The following KIRREL3 variants were observed in gnomAD, a reference collection of about 807,000 sequenced individuals.
KIRREL3 encodes the protein kirre like nephrin family adhesion molecule 3.
A neutral mutation model predicts 89.7 loss-of-function variants in KIRREL3; 36 were observed. The ratio of observed to expected loss-of-function variants is 0.40; its 90% CI spans 0.31 to 0.53. KIRREL3 has a LOEUF of 0.53. Among genes scored for constraint, KIRREL3 ranks in the 20% least tolerant of loss-of-function variants. The pLI is 0.49. For missense variants in KIRREL3, 864 were observed against 1,056.6 expected, an observed-to-expected ratio of 0.82 and a Z score of 2.53; for synonymous variants, 445 against 441.4, an observed-to-expected ratio of 1.01 and a Z score of -0.10.
In KIRREL3 at chr11:126,796,641, GC is replaced by G. The variant is rs1332284306; in HGVS notation, c.55+203813del. ...TATGTTAAGCATTGCCCCCAACCCT[GC>G]TTTTTATTTATTTTTATTCTTTTAT... On this transcript the variant is annotated intron_variant, in intron 1 of 16. Coordinates refer to ENST00000525144, the MANE Select transcript of KIRREL3 (RefSeq NM_032531.4). The surrounding 1 kb of genome is among the most constrained non-coding windows in gnomAD (Gnocchi z 5.1). Among the ~76,000 whole-genome samples, 1 of 152,006 alleles carries G rather than the reference GC, an allele frequency of 6.6e-6. No individual in the cohort carries two copies.
Position 126,593,868 on chromosome 11 carries a change from C to T in KIRREL3, c.56-30956G>A, listed in dbSNP as rs12276781. On this transcript the variant is annotated intron_variant, in intron 1 of 16. Transcript: ENST00000525144. ...AGCTGCTCAGGTTAGCCCATTGCAC[C>T]GTTGCCATCACTGCGAGACTCAGGG... Among the ~76,000 whole-genome samples the T allele has an allele frequency of 2.0e-5, 3 of 152,222 alleles. No homozygotes were observed. The South Asian group carries it at 6.2e-4, about 32-fold the overall frequency.
chr11:126,620,115 G>A lies in KIRREL3; in HGVS notation c.56-57203C>T, dbSNP rs1297742212. On this transcript the variant is annotated intron_variant, in intron 1 of 16. Coordinates refer to ENST00000525144, the MANE Select transcript of KIRREL3 (RefSeq NM_032531.4). The surrounding 1 kb of genome is among the most constrained non-coding windows in gnomAD (Gnocchi z 4.8). ...CTGTTTGCCCACACAGTGGGCAATC[G>A]AATCTGGTGGTCTTATAACACTTGA... 6.6e-6 allele frequency among the ~76,000 whole-genome samples: 1 copy of A among 152,148 alleles called. No homozygotes were observed. The highest frequency in any genetic ancestry group is 1.5e-5 in the Non-Finnish European group (1 of 68,022).
rs76705968 is a variant in KIRREL3, at chr11:126,763,142, T to C, written c.56-200230A>G. 7.9e-5 allele frequency among the ~76,000 whole-genome samples: 12 copies of C among 152,236 alleles called. 1 individual carries two copies. In the East Asian group the frequency reaches 2.3e-3, roughly 29 times the overall value. On this transcript the variant is annotated intron_variant, in intron 1 of 16. Coordinates refer to ENST00000525144, the MANE Select transcript of KIRREL3 (RefSeq NM_032531.4). The surrounding 1 kb of genome is among the most constrained non-coding windows in gnomAD (Gnocchi z 4.7). ...TTGAGAGAAGAGTGCAGGACTGGGT[T>C]TGAGAGCAGATTCTGGCTCTGTTGT...
In KIRREL3 at chr11:126,908,542, T is replaced by A. The variant is rs1307564518; in HGVS notation, c.55+91913A>T. ...AATTGTAATTATTATATAAAATACCTAGAACAGGGCAGGGCATAGGGTAAA... is the reference window on the plus strand; with the variant it reads ...AATTGTAATTATTATATAAAATACCAAGAACAGGGCAGGGCATAGGGTAAA... On this transcript the variant is annotated intron_variant, in intron 1 of 16. Transcript: ENST00000525144. This position sits in a 1 kb window ranked among gnomAD's most constrained non-coding sequence, Gnocchi z 4.2. Among the ~76,000 whole-genome samples the A allele has an allele frequency of 6.6e-6, 1 of 152,176 alleles. No individual in the cohort carries two copies. The highest frequency in any genetic ancestry group is 2.4e-5 in the African/African-American group (1 of 41,440).
In KIRREL3 at chr11:126,970,619, G is replaced by A. The variant is rs1949404671; in HGVS notation, c.55+29836C>T. Among the ~76,000 whole-genome samples, 2 of 152,220 alleles carry A rather than the reference G, an allele frequency of 1.3e-5. No individual in the cohort carries two copies. The highest frequency in any genetic ancestry group is 4.2e-4 in the South Asian group (2 of 4,818). On this transcript the variant is annotated intron_variant, in intron 1 of 16. Transcript: ENST00000525144. This position sits in a 1 kb window ranked among gnomAD's most constrained non-coding sequence, Gnocchi z 4.4. Reference sequence around the variant, plus strand: ...ACAGAACACGTTTGCTTTTACTTTTGTGTACTCAGTTACCGAATTGCTAAT... The same window carrying A: ...ACAGAACACGTTTGCTTTTACTTTTATGTACTCAGTTACCGAATTGCTAAT...
chr11:126,954,493 T>G lies in KIRREL3; in HGVS notation c.55+45962A>C, dbSNP rs1185522951. Among the ~76,000 whole-genome samples, 1 of 152,158 alleles carries G rather than the reference T, an allele frequency of 6.6e-6. No homozygotes were observed. ...TATGCCCTGCCTTTCTTGTTCCTCC[T>G]GTCTATCTCCCTCCTCCCCATCCCC... On this transcript the variant is annotated intron_variant, in intron 1 of 16. Coordinates refer to ENST00000525144, the MANE Select transcript of KIRREL3 (RefSeq NM_032531.4). This position sits in a 1 kb window ranked among gnomAD's most constrained non-coding sequence, Gnocchi z 4.1.
chr11:126,441,716 TG>T lies in KIRREL3; in HGVS notation c.1253-1168del, dbSNP rs1368100349. Among the ~76,000 whole-genome samples the T allele has an allele frequency of 1.3e-5, 2 of 152,240 alleles. No homozygotes were observed. The highest frequency in any genetic ancestry group is 4.8e-5 in the African/African-American group (2 of 41,458). Reference sequence around the variant, plus strand: ...TAATTAAAGCAGATTTGCATTTCTATGAGTAGCTCTCAGCCAAGGGAGAAAA... The same window carrying T: ...TAATTAAAGCAGATTTGCATTTCTATAGTAGCTCTCAGCCAAGGGAGAAAA... On this transcript the variant is annotated intron_variant, in intron 10 of 16. Transcript: ENST00000525144. The surrounding 1 kb of genome is among the most constrained non-coding windows in gnomAD (Gnocchi z 5.0).
In KIRREL3 at chr11:126,521,526, G is replaced by A; in HGVS notation, c.284-62C>T. The A allele has an allele frequency of 6.8e-7, 1 of 1,471,114 alleles. No individual in the cohort carries two copies. Among genetic ancestry groups the A allele is most frequent in the Non-Finnish European group, 9.2e-7 (1 of 1,090,576 alleles). 91.1% of individuals were successfully genotyped at this position (1,471,114 alleles called of 1,614,324 possible). A position where few individuals can be genotyped will look rare whatever the true frequency, so the allele number is the denominator to read the frequency against. The stretch of plus-strand genomic sequence containing the variant: ...GGGTGGAGGGGACACCCATGACAAA[G>A]AGGCACAGAATGGAGGACCCAAGCA... On this transcript the variant is annotated intron_variant, in intron 3 of 16. Transcript: ENST00000525144. The surrounding 1 kb of genome is among the most constrained non-coding windows in gnomAD (Gnocchi z 4.1).
Position 126,520,756 on chromosome 11 carries a change from G to A in KIRREL3, c.433+559C>T, listed in dbSNP as rs377542123. 7.9e-4 allele frequency among the ~76,000 whole-genome samples: 121 copies of A among 152,280 alleles called. 1 individual carries two copies. Among genetic ancestry groups the A allele is most frequent in the African/African-American group, 2.8e-3 (118 of 41,554 alleles). Reference sequence around the variant, plus strand: ...AAAGTATGATTTGGAATAAGGACCTGAAATGAATTTTCCTAGGAGGGACCT... The same window carrying A: ...AAAGTATGATTTGGAATAAGGACCTAAAATGAATTTTCCTAGGAGGGACCT... On this transcript the variant is annotated intron_variant, in intron 4 of 16. Transcript: ENST00000525144. This position sits in a 1 kb window ranked among gnomAD's most constrained non-coding sequence, Gnocchi z 4.9.
At chr11:126,839,734 T>C (rs964135669) in intron 1 of KIRREL3, among the ~76,000 whole-genome samples, 1 of 152,240 alleles carries the variant, frequency 6.6e-6, no homozygotes, top group African/African-American at 2.4e-5. Context: ...GTTCCTCTGC[T>C]GTCACTGTAC....
At chr11:126,440,155 C>G (rs1035875519) in intron 11 of KIRREL3, 1 of 631,304 alleles carries the variant, frequency 1.6e-6, no homozygotes, top group African/African-American at 1.8e-5. Flanking sequence ...TCTTTTCTCT[C>G]CACTACCCTC....
rs1294647067 is a variant in KIRREL3 at position 126,601,392 on chromosome 11, T to C, written c.56-38480A>G. ...ATGGGAACACAGCTCTGGGAGCACC[T>C]GCAATCTCATCTTGTTTCTTTCCAA... On this transcript the variant is annotated intron_variant, in intron 1 of 16. Coordinates refer to ENST00000525144, the MANE Select transcript of KIRREL3 (RefSeq NM_032531.4). This position sits in a 1 kb window ranked among gnomAD's most constrained non-coding sequence, Gnocchi z 5.8. 6.6e-6 allele frequency among the ~76,000 whole-genome samples: 1 copy of C among 152,216 alleles called. No homozygotes were observed. Among genetic ancestry groups the C allele is most frequent in the Non-Finnish European group, 1.5e-5 (1 of 68,048 alleles).
At chr11:126,567,966 C>T (rs1278488512) in intron 1 of KIRREL3, among the ~76,000 whole-genome samples, 1 of 152,130 alleles carries the variant, frequency 6.6e-6, no homozygotes, top group East Asian at 1.9e-4. Flanking sequence ...GTCCTGTCCC[C>T]AAGTTGCCCA....
chr11:126,675,793 G>C (rs1198738582), intron 1 of KIRREL3, among the ~76,000 whole-genome samples: 1 of 152,198 alleles, frequency 6.6e-6, no homozygotes, highest in East Asian at 1.9e-4. Context: ...GTCATTTGAA[G>C]CAGGGAAATG....
chr11:126,650,730 C>G (rs924820145), intron 1 of KIRREL3, among the ~76,000 whole-genome samples: 2 of 152,204 alleles, frequency 1.3e-5, no homozygotes, highest in Non-Finnish European at 1.5e-5. Context: ...TCTGGGCCCT[C>G]TAACCTCTCC....
Position 126,909,840 on chromosome 11 carries a change from G to A in KIRREL3, c.55+90615C>T, listed in dbSNP as rs534470929. Among the ~76,000 whole-genome samples the A allele has an allele frequency of 6.6e-6, 1 of 152,262 alleles. No individual in the cohort carries two copies. Among genetic ancestry groups the A allele is most frequent in the East Asian group, 1.9e-4 (1 of 5,174 alleles). ...GGATTAATCCCTGGGAGGGTGTTAT[G>A]CAAGATTCAGATATATGGTCTGTGA... On this transcript the variant is annotated intron_variant, in intron 1 of 16. Coordinates refer to ENST00000525144, the MANE Select transcript of KIRREL3 (RefSeq NM_032531.4). This position sits in a 1 kb window ranked among gnomAD's most constrained non-coding sequence, Gnocchi z 4.5.
chr11:126,911,360 G>A (rs1171747291), intron 1 of KIRREL3, among the ~76,000 whole-genome samples: 1 of 152,212 alleles, frequency 6.6e-6, no homozygotes, highest in Non-Finnish European at 1.5e-5. Flanking sequence ...TGGAGATTCT[G>A]CAGACAGAGG....
chr11:126,801,748 T>G (rs1225861252), intron 1 of KIRREL3, among the ~76,000 whole-genome samples: 1 of 152,188 alleles, frequency 6.6e-6, no homozygotes, highest in African/African-American at 2.4e-5. Flanking sequence ...GCTCCTGGCC[T>G]GTAATAAATT....
chr11:126,434,634 T>C (rs1251311188), intron 13 of KIRREL3, among the ~76,000 whole-genome samples: 1 of 152,182 alleles, frequency 6.6e-6, no homozygotes, highest in Non-Finnish European at 1.5e-5. Flanking sequence ...CCTGATTCTC[T>C]TTTCTGGTTT....
Sources: gnomAD v4.1 joint callset for allele counts (sites outside exome capture counted in the v4.1 genomes callset) on GRCh38, gnomAD v4.1.1 for gene constraint, Gnocchi (gnomAD v3.1) non-coding constraint, MANE v1.5 for transcripts, NCBI Gene and HGNC (gene_info 2026-07-23, HGNC 2026-07-21) for gene names.